NAA11: variants seen among roughly 807,000 people sequenced by gnomAD.
The protein encoded by NAA11 is N-alpha-acetyltransferase 11, NatA catalytic subunit, also known as N-alpha-acetyltransferase 11.
Under a neutral mutation model 16.1 loss-of-function variants are expected in NAA11, and 15 were observed. The ratio of observed to expected loss-of-function variants is 0.93; its 90% CI spans 0.62 to 1.44. The LOEUF (loss-of-function observed/expected upper bound fraction) is 1.44. Ranked by LOEUF, NAA11 falls within the 40% of genes most tolerant of loss-of-function variation. The pLI is 0.00. For missense variants in NAA11, 298 were observed against 291.3 expected (o/e 1.02, Z -0.17); for synonymous variants, 122 against 112.4 (o/e 1.09, Z -0.54).
chr4:79,298,217 C>T (rs1723282181), intron 1 of NAA11, among the ~76,000 whole-genome samples: 1 of 152,232 alleles, frequency 6.6e-6, no homozygotes, highest in African/African-American at 2.4e-5. Flanking sequence ...CAATAACGCT[C>T]CTCTTCGTCT....
chr4:79,300,664 C>A (rs1303365873), intron 1 of NAA11, among the ~76,000 whole-genome samples: 1 of 151,860 alleles, frequency 6.6e-6, no homozygotes, highest in Non-Finnish European at 1.5e-5. Context: ...GTAGGGAGGG[C>A]AAAAATGTTG....
chr4:79,156,057 A>C, the NAA11 span, among the ~76,000 whole-genome samples: 7 of 152,222 alleles, frequency 4.6e-5, no homozygotes, highest in African/African-American at 1.7e-4. Context: ...GAACCTCCAG[A>C]GTGCCCTGGA....
At chr4:79,296,924 G>A (rs1019430903) in intron 1 of NAA11, among the ~76,000 whole-genome samples, 24 of 152,254 alleles carry the variant, frequency 1.6e-4, no homozygotes, top group Admixed American at 6.5e-4. Flanking sequence ...TAATGGCAGC[G>A]GCAGACCATC....
At chr4:79,209,354 A>C in the NAA11 span, among the ~76,000 whole-genome samples, 2 of 152,160 alleles carry the variant, frequency 1.3e-5, no homozygotes, top group African/African-American at 4.8e-5. Context: ...TAAATTCCTA[A>C]ACAAGAAGTC....
intron 2 of NAA11, among the ~76,000 whole-genome samples, chr4:79,232,240 G>C (rs1434524554): frequency 6.6e-6 from 1 of 151,778 alleles, no homozygotes. Flanking sequence ...CTCTGCTTTT[G>C]TGTATGTTTG....
the NAA11 span, among the ~76,000 whole-genome samples, chr4:79,201,399 A>G: frequency 6.6e-6 from 1 of 151,780 alleles, no homozygotes; most frequent in African/African-American, 2.4e-5. Context: ...TTTCAACAGT[A>G]TTGAGTATTG....
the NAA11 span, among the ~76,000 whole-genome samples, chr4:79,163,594 A>C: frequency 1.6e-4 from 25 of 152,156 alleles, 1 homozygote; most frequent in Non-Finnish European, 1.2e-4. Context: ...GCTGACTGAC[A>C]CAAGGTTTGT....
At chr4:79,166,438 C>A in the NAA11 span, among the ~76,000 whole-genome samples, 1 of 151,242 alleles carries the variant, frequency 6.6e-6, no homozygotes, top group South Asian at 2.1e-4. Flanking sequence ...CTCATTGCAG[C>A]CTCAAAGTCC....
At chr4:79,166,859 C>T in the NAA11 span, among the ~76,000 whole-genome samples, 1 of 147,970 alleles carries the variant, frequency 6.8e-6, no homozygotes, top group Non-Finnish European at 1.5e-5. Context: ...CAGAGCAAGA[C>T]TGTTTCAAAA....
the NAA11 span, among the ~76,000 whole-genome samples, chr4:79,165,100 A>G: frequency 2.6e-5 from 4 of 152,202 alleles, no homozygotes; most frequent in Non-Finnish European, 5.9e-5. Context: ...TGGGAAGCAG[A>G]AGGTTAATAG....
At position 79,243,326 on chromosome 4, in the gene NAA11, T is replaced by G. The variant is rs549397651; in HGVS notation, c.*123-17056A>C. On this transcript the variant is annotated intron_variant and NMD_transcript_variant, in intron 2 of 2. Transcript: ENST00000511542. ...TGAAGATGAGGAAGGGTGCTCCCTT[T>G]CCTCAATTATCTTGAAAAGATCTTG... Among the ~76,000 whole-genome samples the G allele has an allele frequency of 6.6e-5, 10 of 152,292 alleles. 1 individual carries two copies. In the South Asian group the frequency reaches 1.7e-3, roughly 25 times the overall value.
intron 1 of NAA11, chr4:79,306,726 T>G (rs1006469413): frequency 2.0e-5 from 3 of 152,238 alleles, no homozygotes; most frequent in African/African-American, 7.2e-5. Context: ...AACATCTGCA[T>G]AGGTAAGTAT....
At chr4:79,188,209 C>T in the NAA11 span, among the ~76,000 whole-genome samples, 1 of 152,156 alleles carries the variant, frequency 6.6e-6, no homozygotes, top group African/African-American at 2.4e-5. Context: ...GTCACTGAAA[C>T]AGCAAGCTGC....
At chr4:79,185,065 G>GT in the NAA11 span, among the ~76,000 whole-genome samples, 1 of 151,766 alleles carries the variant, frequency 6.6e-6, no homozygotes, top group African/African-American at 2.4e-5. Context: ...GCCTGAGTTT[G>GT]TTTTTTTAAT....
At chr4:79,215,351 A>G in the NAA11 span, among the ~76,000 whole-genome samples, 1 of 152,296 alleles carries the variant, frequency 6.6e-6, no homozygotes, top group South Asian at 2.1e-4. Context: ...GGAAGTTCTC[A>G]AGAATAACTG....
intron 2 of NAA11, among the ~76,000 whole-genome samples, chr4:79,230,511 C>CA (rs11381277): frequency 0.83 from 126,588 of 151,854 alleles, 53,945 homozygotes; most frequent in Non-Finnish European, 0.92. Context: ...TTGATTCCTA[C>CA]AAAAGAAACC....
At chr4:79,206,087 G>C in the NAA11 span, among the ~76,000 whole-genome samples, 8 of 151,866 alleles carry the variant, frequency 5.3e-5, no homozygotes, top group African/African-American at 1.9e-4. Flanking sequence ...TTCTTTGGCT[G>C]TTCAGGTTCT....
the NAA11 span, among the ~76,000 whole-genome samples, chr4:79,205,239 T>A: frequency 1.3e-5 from 2 of 152,072 alleles, no homozygotes; most frequent in Admixed American, 1.3e-4. Flanking sequence ...TTGAGAAATC[T>A]CCACATTGTT....
At chr4:79,241,800 T>A (rs1035973007) in intron 2 of NAA11, among the ~76,000 whole-genome samples, 5 of 152,194 alleles carry the variant, frequency 3.3e-5, no homozygotes, top group Non-Finnish European at 7.3e-5. Flanking sequence ...TAGGGTTATT[T>A]TAATGTGGTA....
Sources: allele counts gnomAD v4.1 joint callset (sites outside exome capture counted in the v4.1 genomes callset), GRCh38; gene constraint gnomAD v4.1.1; transcripts MANE v1.5; gene names NCBI Gene and HGNC (gene_info 2026-07-23, HGNC 2026-07-21).